Variants in CECR2 observed in about 807,000 individuals in gnomAD.
CECR2 encodes chromatin remodeling regulator CECR2.
Under a neutral mutation model 154.5 loss-of-function variants are expected in CECR2, and 30 were observed. That is an observed-to-expected ratio of 0.19 (90% CI 0.15 to 0.26). The LOEUF (loss-of-function observed/expected upper bound fraction) is 0.26. CECR2 is among the 10% of genes least tolerant of loss of function. The pLI is 1.00. For missense variants in CECR2, 1,743 were observed against 1,829.3 expected (o/e 0.95, Z 0.86); for synonymous variants, 725 against 683.7 (o/e 1.06, Z -0.94).
intron 9 of CECR2, chr22:17,524,807 G>GA (rs1421075914): frequency 2.7e-6 from 1 of 369,320 alleles, no homozygotes. Flanking sequence ...GAGTAGCTAG[G>GA]ACTATAGGCG....
intron 1 of CECR2, among the ~76,000 whole-genome samples, chr22:17,387,603 T>A (rs17808586): frequency 0.076 from 11,597 of 152,192 alleles, 726 homozygotes; most frequent in East Asian, 0.18. Flanking sequence ...AGCCTAACAC[T>A]TCCTCACTTT....
chr22:17,371,499 C>G (rs1034461115), intron 1 of CECR2, among the ~76,000 whole-genome samples: 4 of 152,138 alleles, frequency 2.6e-5, no homozygotes, highest in African/African-American at 4.8e-5. Context: ...AGAAGAGAAA[C>G]AGAGACACGG....
At chr22:17,493,948 G>A (rs944766814) in intron 2 of CECR2, among the ~76,000 whole-genome samples, 1 of 152,214 alleles carries the variant, frequency 6.6e-6, no homozygotes, top group Non-Finnish European at 1.5e-5. Context: ...GGAAAAAACA[G>A]ACTTTAGTGT....
intron 8 of CECR2, among the ~76,000 whole-genome samples, chr22:17,522,052 A>G (rs944659142): frequency 1.3e-5 from 2 of 152,044 alleles, no homozygotes; most frequent in Non-Finnish European, 2.9e-5. Context: ...GTCAAAGATC[A>G]TATGGTTGTA....
At chr22:17,462,026 C>A (rs142759368) in intron 1 of CECR2, among the ~76,000 whole-genome samples, 2,579 of 151,850 alleles carry the variant, frequency 0.017, 67 homozygotes, top group African/African-American at 0.058. Flanking sequence ...CTCCTGACCT[C>A]GTGGTCCACC....
At chr22:17,393,653 A>G (rs143042294) in intron 1 of CECR2, among the ~76,000 whole-genome samples, 222 of 152,248 alleles carry the variant, frequency 1.5e-3, no homozygotes, top group African/African-American at 5.1e-3. Flanking sequence ...GTTTCTCCAC[A>G]TCCTTGCCAA....
At chr22:17,387,545 C>T (rs1212960945) in intron 1 of CECR2, among the ~76,000 whole-genome samples, 1 of 152,158 alleles carries the variant, frequency 6.6e-6, no homozygotes, top group African/African-American at 2.4e-5. Context: ...GTGTGTCCAG[C>T]AGGAGCCACC....
intron 1 of CECR2, among the ~76,000 whole-genome samples, chr22:17,425,357 G>C (rs1004439104): frequency 6.6e-6 from 1 of 152,066 alleles, no homozygotes; most frequent in Non-Finnish European, 1.5e-5. Flanking sequence ...ACTGCCTTCT[G>C]TTCTGGACCT....
At position 17,524,383 on chromosome 22, in the gene CECR2, ATTTCTT is replaced by A; in HGVS notation, c.1108+116_1108+121del. The A allele has an allele frequency of 1.8e-5, 12 of 666,344 alleles. No individual in the cohort carries two copies. The African/African-American group carries it at 1.8e-4, about 10-fold the overall frequency. 41.3% of individuals were successfully genotyped at this position (666,344 alleles called of 1,614,324 possible). A position where few individuals can be genotyped will look rare whatever the true frequency, so the allele number is the denominator to read the frequency against. On this transcript the variant is annotated intron_variant, in intron 9 of 18. Coordinates refer to ENST00000262608, the MANE Select transcript of CECR2 (RefSeq NM_001290047.2). ...CCATGCATCCAAGTTGTTTCCGGCA[ATTTCTT>A]TTTTTTTTTTTTTTTTTTTTTGAGA...
At chr22:17,408,207 C>T (rs2054014030) in intron 1 of CECR2, among the ~76,000 whole-genome samples, 1 of 149,016 alleles carries the variant, frequency 6.7e-6, no homozygotes, top group Non-Finnish European at 1.5e-5. Flanking sequence ...CCCCTCAGCC[C>T]CCTCACCCCC....
intron 8 of CECR2, among the ~76,000 whole-genome samples, chr22:17,518,451 G>A (rs28655073): frequency 0.027 from 4,050 of 152,224 alleles, 178 homozygotes; most frequent in African/African-American, 0.094. Context: ...TACCCCAGTG[G>A]TAATGTTTCC....
intron 1 of CECR2, among the ~76,000 whole-genome samples, chr22:17,435,682 C>A (rs11089181): frequency 4.0e-4 from 27 of 68,094 alleles, no homozygotes; most frequent in East Asian, 1.5e-3. Flanking sequence ...TCTTTTAATT[C>A]TTAAAAAAAA....
At chr22:17,455,349 A>T (rs1001372655) in intron 1 of CECR2, among the ~76,000 whole-genome samples, 13 of 152,272 alleles carry the variant, frequency 8.5e-5, no homozygotes, top group Admixed American at 7.9e-4. Context: ...TATTCCTCCT[A>T]ATTAGATGGG....
At position 17,531,314 on chromosome 22, in the gene CECR2, G is replaced by A. The variant is rs75240914; in HGVS notation, c.1109-5789G>A. On this transcript the variant is annotated intron_variant, in intron 9 of 18. Coordinates refer to ENST00000262608, the MANE Select transcript of CECR2 (RefSeq NM_001290047.2). ...GCACTATGAAGGCAGGCAAACTCCC[G>A]CTGCCAAGTGCGGCTTCGCAGATGC... 5.3e-4 allele frequency among the ~76,000 whole-genome samples: 80 copies of A among 152,330 alleles called. No individual in the cohort carries two copies. In the East Asian group the frequency reaches 0.013, roughly 24 times the overall value.
intron 9 of CECR2, among the ~76,000 whole-genome samples, chr22:17,528,663 G>A (rs1247420097): frequency 1.3e-5 from 2 of 151,938 alleles, no homozygotes; most frequent in Non-Finnish European, 2.9e-5. Context: ...AGCCTCCCAA[G>A]TAGCTGTGAT....
chr22:17,428,409 C>T (rs1373542029), intron 1 of CECR2: 1 of 152,018 alleles, frequency 6.6e-6, no homozygotes, highest in East Asian at 1.9e-4. Flanking sequence ...GCGTTAGTAC[C>T]TTCAGAGTGC....
chr22:17,448,413 AGTAAT>A (rs1323820489), intron 1 of CECR2, among the ~76,000 whole-genome samples: 1 of 152,252 alleles, frequency 6.6e-6, no homozygotes. Flanking sequence ...CATGGAAAGA[AGTAAT>A]GTAATGGAAG....
At chr22:17,413,843 ATTT>A (rs746692624) in intron 1 of CECR2, among the ~76,000 whole-genome samples, 1 of 142,780 alleles carries the variant, frequency 7.0e-6, no homozygotes, top group Admixed American at 7.1e-5. Flanking sequence ...CGGCCGGCTA[ATTT>A]TTTTTTTTTT....
rs918435543 is a variant in CECR2 at position 17,538,680 on chromosome 22, C to T, written c.1317C>T (p.Phe439=). The change falls in exon 12 of 19, where the codon TTC becomes TTT. Residue 439 remains phenylalanine (F), a synonymous_variant. Transcript: ENST00000262608. The part of the protein sequence containing the change: ...VVKAHKDSWP[F]LEPVDESYAP... Reference sequence around the variant, plus strand: ...AGGCTCACAAGGATTCCTGGCCCTTCTTGGAACCTGTGGATGAATCTTATG... The same window carrying T: ...AGGCTCACAAGGATTCCTGGCCCTTTTTGGAACCTGTGGATGAATCTTATG... The T allele has an allele frequency of 6.2e-7, 1 of 1,613,872 alleles. No individual in the cohort carries two copies.
Sources: gnomAD v4.1 joint callset for allele counts (sites outside exome capture counted in the v4.1 genomes callset) on GRCh38, gnomAD v4.1.1 for gene constraint, MANE v1.5 for transcripts, NCBI Gene and HGNC (gene_info 2026-07-23, HGNC 2026-07-21) for gene names.